ADCY5: variants seen among roughly 807,000 people sequenced by gnomAD.
The protein encoded by ADCY5 is adenylate cyclase 5, also known as adenylate cyclase type 5.
A neutral mutation model predicts 119.7 loss-of-function variants in ADCY5; 30 were observed. That is an observed-to-expected ratio of 0.25 (90% CI 0.19 to 0.34). ADCY5 has a LOEUF of 0.34. ADCY5 is among the 10% of genes least tolerant of loss of function. ADCY5 has a pLI of 1.00. For missense variants in ADCY5, 1,324 were observed against 1,775.2 expected (o/e 0.75, Z 4.57); for synonymous variants, 753 against 762.2 (o/e 0.99, Z 0.20).
intron 7 of ADCY5, among the ~76,000 whole-genome samples, chr3:123,326,488 G>A (rs776507116): frequency 2.6e-5 from 4 of 152,212 alleles, no homozygotes; most frequent in Non-Finnish European, 5.9e-5. Context: ...CGCTTGTCCA[G>A]CTAAAAGAAC....
chr3:123,338,625 C>T (rs907507513), intron 3 of ADCY5, among the ~76,000 whole-genome samples: 1 of 152,204 alleles, frequency 6.6e-6, no homozygotes, highest in South Asian at 2.1e-4. Flanking sequence ...GCCCTCATGG[C>T]GGGTGCACAG....
At chr3:123,416,613 A>C (rs1945190507) in intron 1 of ADCY5, among the ~76,000 whole-genome samples, 1 of 152,134 alleles carries the variant, frequency 6.6e-6, no homozygotes, top group Admixed American at 6.5e-5. Context: ...CTTACTATTC[A>C]CAAACTCGCT....
chr3:123,430,479 G>A (rs948844487), intron 1 of ADCY5, among the ~76,000 whole-genome samples: 1 of 152,198 alleles, frequency 6.6e-6, no homozygotes, highest in Non-Finnish European at 1.5e-5. Context: ...CTCGGAGAAG[G>A]AGGACCGAAA....
Position 123,359,285 on chromosome 3 carries a change from T to C in ADCY5, c.1135-6704A>G, listed in dbSNP as rs182116248. On this transcript the variant is annotated intron_variant, in intron 1 of 20. Transcript: ENST00000462833. ...ACAGACAAACAACACGTACATCTTT[T>C]AGTATAAGTAGGTTCCAGGCAATAT... is the stretch of plus-strand genomic sequence containing the variant. Among the ~76,000 whole-genome samples, 173 of 145,420 alleles carry C rather than the reference T, an allele frequency of 1.2e-3. 1 individual carries two copies. The highest frequency in any genetic ancestry group is 4.3e-3 in the African/African-American group (168 of 38,860).
intron 1 of ADCY5, among the ~76,000 whole-genome samples, chr3:123,421,936 C>A (rs550411165): frequency 1.3e-5 from 2 of 152,302 alleles, no homozygotes; most frequent in African/African-American, 4.8e-5. Flanking sequence ...GCCAGCCCCT[C>A]AACTCACGGC....
chr3:123,336,831 A>G (rs1942051891), intron 3 of ADCY5, among the ~76,000 whole-genome samples: 1 of 152,176 alleles, frequency 6.6e-6, no homozygotes, highest in Admixed American at 6.5e-5. Flanking sequence ...GCATTCTTCC[A>G]TGGCAACTCT....
At chr3:123,424,594 G>A (rs1945364417) in intron 1 of ADCY5, among the ~76,000 whole-genome samples, 1 of 152,178 alleles carries the variant, frequency 6.6e-6, no homozygotes, top group Admixed American at 6.5e-5. Context: ...TTGGTGGCTG[G>A]GGGCATTTCT....
At chr3:123,319,011 A>G (rs1208665365) in intron 10 of ADCY5, among the ~76,000 whole-genome samples, 1 of 152,230 alleles carries the variant, frequency 6.6e-6, no homozygotes, top group African/African-American at 2.4e-5. Context: ...AATAATGCAA[A>G]TAGCAACTAA....
intron 1 of ADCY5, among the ~76,000 whole-genome samples, chr3:123,399,699 C>T (rs1944702384): frequency 6.6e-6 from 1 of 152,200 alleles, no homozygotes; most frequent in African/African-American, 2.4e-5. Flanking sequence ...CTGGAACAAA[C>T]TGGTATTACC....
In ADCY5 at chr3:123,418,031, T is replaced by C. The variant is rs576914919; in HGVS notation, c.1134+29381A>G. On this transcript the variant is annotated intron_variant, in intron 1 of 20. Coordinates refer to ENST00000462833, the MANE Select transcript of ADCY5 (RefSeq NM_183357.3). The stretch of plus-strand genomic sequence containing the variant: ...AGTAATCAGAGTGGGCTCATTTCCC[T>C]GGTGAACCCAGCCACTGTGCCCCAT... Among the ~76,000 whole-genome samples, 41 of 152,338 alleles carry C rather than the reference T, an allele frequency of 2.7e-4. No individual in the cohort carries two copies. The South Asian group carries it at 8.5e-3, about 32-fold the overall frequency.
At chr3:123,330,060 C>G (rs1559811672) in intron 5 of ADCY5, among the ~76,000 whole-genome samples, 1 of 152,212 alleles carries the variant, frequency 6.6e-6, no homozygotes, top group Non-Finnish European at 1.5e-5. Flanking sequence ...TGTATCTGAG[C>G]ACCAGGAGTC....
At chr3:123,295,033 C>T (rs1425478962) in intron 17 of ADCY5, among the ~76,000 whole-genome samples, 1 of 152,172 alleles carries the variant, frequency 6.6e-6, no homozygotes, top group Non-Finnish European at 1.5e-5. Context: ...TGCACAGAAC[C>T]CTTCTGGGAT....
intron 19 of ADCY5, among the ~76,000 whole-genome samples, chr3:123,288,635 G>T (rs1403099419): frequency 6.6e-6 from 1 of 152,202 alleles, no homozygotes; most frequent in Non-Finnish European, 1.5e-5. Context: ...GGACACAGTA[G>T]GGTGGAACAC....
chr3:123,428,970 T>TA (rs951218350), intron 1 of ADCY5, among the ~76,000 whole-genome samples: 59 of 152,342 alleles, frequency 3.9e-4, no homozygotes, highest in African/African-American at 1.4e-3. Context: ...GCAAGTCACT[T>TA]AGCTTCTCTG....
chr3:123,404,848 G>A (rs1435630520), intron 1 of ADCY5, among the ~76,000 whole-genome samples: 4 of 152,228 alleles, frequency 2.6e-5, no homozygotes, highest in African/African-American at 9.7e-5. Context: ...CATCTGGGCA[G>A]GAGACCTCTC....
At chr3:123,417,427 G>A (rs1945211627) in intron 1 of ADCY5, among the ~76,000 whole-genome samples, 1 of 152,248 alleles carries the variant, frequency 6.6e-6, no homozygotes. Flanking sequence ...TGGACAGACA[G>A]GTCCCCAGAG....
intron 8 of ADCY5, among the ~76,000 whole-genome samples, chr3:123,321,143 A>G (rs1038154851): frequency 6.6e-6 from 1 of 152,132 alleles, no homozygotes; most frequent in Non-Finnish European, 1.5e-5. Flanking sequence ...ACTCAGATGG[A>G]AATCGGGAAT....
At chr3:123,323,890 T>C (rs1428101027) in intron 8 of ADCY5, among the ~76,000 whole-genome samples, 1 of 152,144 alleles carries the variant, frequency 6.6e-6, no homozygotes, top group South Asian at 2.1e-4. Context: ...TCCTGAACTC[T>C]TGACTGCCCT....
Position 123,286,642 on chromosome 3 carries a change from G to T in ADCY5, c.3657+43C>A. ...GAAGACCTCTCGGTGTCAGACACAG[G>T]ACCTCCCATGGGGTGAGGGGTGGTG... On this transcript the variant is annotated intron_variant, in intron 20 of 20. Coordinates refer to ENST00000462833, the MANE Select transcript of ADCY5 (RefSeq NM_183357.3). The surrounding 1 kb of genome is among the most constrained non-coding windows in gnomAD (Gnocchi z 4.2). The T allele has an allele frequency of 6.5e-7, 1 of 1,548,256 alleles. No individual in the cohort carries two copies. The highest frequency in any genetic ancestry group is 8.7e-7 in the Non-Finnish European group (1 of 1,151,962).
Sources: gnomAD v4.1 joint callset for allele counts (sites outside exome capture counted in the v4.1 genomes callset) on GRCh38, gnomAD v4.1.1 for gene constraint, Gnocchi (gnomAD v3.1) non-coding constraint, MANE v1.5 for transcripts, NCBI Gene and HGNC (gene_info 2026-07-23, HGNC 2026-07-21) for gene names.